PAK5: variants seen among roughly 807,000 people sequenced by gnomAD.
PAK5 encodes the protein serine/threonine-protein kinase PAK 5.
A neutral mutation model predicts 65.9 loss-of-function variants in PAK5; 16 were observed. The observed-to-expected ratio is 0.24, with a 90% CI of 0.16 to 0.37. The LOEUF (loss-of-function observed/expected upper bound fraction) is 0.37, where lower values mean the gene tolerates loss of function less well. Among genes scored for constraint, PAK5 ranks in the 10% least tolerant of loss-of-function variants. The pLI is 1.00. For missense variants in PAK5, 785 were observed against 903.9 expected (o/e 0.87, Z 1.69); for synonymous variants, 371 against 354.9 (o/e 1.05, Z -0.51).
At chr20:9,755,984 A>G (rs2048629336) in intron 1 of PAK5, among the ~76,000 whole-genome samples, 1 of 152,188 alleles carries the variant, frequency 6.6e-6, no homozygotes. Context: ...TCACTGAAAC[A>G]TAGCTCCATG....
intron 2 of PAK5, among the ~76,000 whole-genome samples, chr20:9,661,789 G>A (rs1284457124): frequency 6.6e-6 from 1 of 152,076 alleles, no homozygotes; most frequent in African/African-American, 2.4e-5. Flanking sequence ...AAATAAATTT[G>A]TATTTCTTTT....
At chr20:9,713,958 T>C (rs2048110069) in intron 1 of PAK5, among the ~76,000 whole-genome samples, 1 of 152,080 alleles carries the variant, frequency 6.6e-6, no homozygotes, top group Non-Finnish European at 1.5e-5. Context: ...ATAGGAAAAT[T>C]ACACTTAACC....
chr20:9,818,335 G>A (rs949015513), intron 1 of PAK5, among the ~76,000 whole-genome samples: 2 of 152,074 alleles, frequency 1.3e-5, no homozygotes, highest in Non-Finnish European at 2.9e-5. Flanking sequence ...TCTGCTCCTT[G>A]GCAATATAAA....
chr20:9,653,527 C>A (rs1368599976), intron 2 of PAK5, among the ~76,000 whole-genome samples: 5 of 152,194 alleles, frequency 3.3e-5, no homozygotes, highest in Non-Finnish European at 7.3e-5. Context: ...TAGATAGCAT[C>A]CCATTGCATT....
chr20:9,767,844 G>A (rs922233725), intron 1 of PAK5, among the ~76,000 whole-genome samples: 1 of 152,106 alleles, frequency 6.6e-6, no homozygotes, highest in Non-Finnish European at 1.5e-5. Context: ...CAACGACATG[G>A]AATCAACCTA....
At chr20:9,547,456 C>T (rs996818996) in intron 7 of PAK5, among the ~76,000 whole-genome samples, 6 of 152,132 alleles carry the variant, frequency 3.9e-5, no homozygotes, top group Admixed American at 6.5e-5. Flanking sequence ...AAGAAACTAA[C>T]GAGGTAGGAA....
chr20:9,712,247 A>G (rs182067385), intron 1 of PAK5, among the ~76,000 whole-genome samples: 3 of 152,304 alleles, frequency 2.0e-5, no homozygotes, highest in African/African-American at 7.2e-5. Flanking sequence ...TCAACTATAT[A>G]CATATTGGCT....
At chr20:9,758,742 A>G (rs1172573482) in intron 1 of PAK5, among the ~76,000 whole-genome samples, 1 of 152,218 alleles carries the variant, frequency 6.6e-6, no homozygotes, top group Non-Finnish European at 1.5e-5. Context: ...GGGAACTAAA[A>G]TGAACATAGC....
chr20:9,550,605 C>A (rs1287876574), intron 7 of PAK5, among the ~76,000 whole-genome samples: 1 of 152,030 alleles, frequency 6.6e-6, no homozygotes, highest in East Asian at 1.9e-4. Context: ...AGACAATGTT[C>A]AAATCATTCA....
At chr20:9,705,998 G>C (rs774373243) in intron 2 of PAK5, among the ~76,000 whole-genome samples, 4 of 152,178 alleles carry the variant, frequency 2.6e-5, no homozygotes, top group Non-Finnish European at 4.4e-5. Context: ...TACAATGAAA[G>C]TGGCTAGGGA....
intron 1 of PAK5, among the ~76,000 whole-genome samples, chr20:9,732,692 C>G (rs1034430907): frequency 2.6e-5 from 4 of 152,110 alleles, no homozygotes; most frequent in Admixed American, 2.6e-4. Flanking sequence ...ATAGGGAGTT[C>G]AAGGGTTCTC....
intron 3 of PAK5, among the ~76,000 whole-genome samples, chr20:9,603,003 A>T (rs563444053): frequency 6.6e-6 from 1 of 152,356 alleles, no homozygotes; most frequent in South Asian, 2.1e-4. Flanking sequence ...TTGATGTGAA[A>T]GCCAAGTTGA....
chr20:9,681,539 T>C (rs1330495723), intron 2 of PAK5, among the ~76,000 whole-genome samples: 1 of 152,156 alleles, frequency 6.6e-6, no homozygotes, highest in Non-Finnish European at 1.5e-5. Context: ...GATAATTGCA[T>C]ATTATTTTGC....
At chr20:9,626,138 A>G (rs1052858726) in intron 3 of PAK5, among the ~76,000 whole-genome samples, 1 of 152,260 alleles carries the variant, frequency 6.6e-6, no homozygotes, top group Admixed American at 6.5e-5. Flanking sequence ...ATCAATAAAA[A>G]TAAACTAACA....
chr20:9,675,495 TTTATTTATTTA>T (rs1270702513), intron 2 of PAK5, among the ~76,000 whole-genome samples: 7 of 151,946 alleles, frequency 4.6e-5, no homozygotes, highest in African/African-American at 1.7e-4. Context: ...AATAATTAAT[TTTATTTATTTA>T]TTATTTATTT....
At position 9,646,278 on chromosome 20, in the gene PAK5, A is replaced by G. The variant is rs143891451; in HGVS notation, c.-11-1939T>C. Among the ~76,000 whole-genome samples the G allele has an allele frequency of 1.4e-3, 220 of 152,160 alleles. 1 individual carries two copies. The highest frequency in any genetic ancestry group is 3.4e-3 in the Middle Eastern group (1 of 294). ...CAAGTTCCTTTTCCATCCTCTACCT[A>G]CATAAATATTCTCTCAGCAATGCTC... On this transcript the variant is annotated intron_variant, in intron 2 of 9. Coordinates refer to ENST00000353224, the MANE Select transcript of PAK5 (RefSeq NM_177990.4).
intron 2 of PAK5, among the ~76,000 whole-genome samples, chr20:9,652,446 CATT>C (rs1270490331): frequency 6.6e-6 from 1 of 152,120 alleles, no homozygotes; most frequent in African/African-American, 2.4e-5. Flanking sequence ...AAAAAAAAAT[CATT>C]ATGTGTCAAA....
chr20:9,633,350 T>A (rs898008747), intron 3 of PAK5, among the ~76,000 whole-genome samples: 4 of 152,064 alleles, frequency 2.6e-5, no homozygotes, highest in Non-Finnish European at 5.9e-5. Context: ...ATTTAGTTTT[T>A]GAGACAGGGT....
At chr20:9,812,081 C>T (rs1569098019) in intron 1 of PAK5, among the ~76,000 whole-genome samples, 1 of 152,158 alleles carries the variant, frequency 6.6e-6, no homozygotes, top group Non-Finnish European at 1.5e-5. Flanking sequence ...TAGGGGATCA[C>T]CTTTCACTAG....
Sources: gnomAD v4.1 joint callset for allele counts (sites outside exome capture counted in the v4.1 genomes callset) on GRCh38, gnomAD v4.1.1 for gene constraint, MANE v1.5 for transcripts, NCBI Gene and HGNC (gene_info 2026-07-23, HGNC 2026-07-21) for gene names.